The following UBAC1 variants were observed in gnomAD, a reference collection of about 807,000 sequenced individuals.
UBAC1 encodes the protein ubiquitin-associated domain-containing protein 1.
UBAC1 carries 27 observed loss-of-function variants against 45.9 expected under a neutral mutation model. The observed-to-expected ratio is 0.59, with a 90% CI of 0.43 to 0.81. The LOEUF is 0.81. Ranked by LOEUF, UBAC1 falls within the 30% of genes least tolerant of loss-of-function variation. UBAC1 has a pLI of 0.00. For missense variants in UBAC1, 529 were observed against 539.2 expected (o/e 0.98, Z 0.19); for synonymous variants, 227 against 215.5 (o/e 1.05, Z -0.47).
intron 3 of UBAC1, among the ~76,000 whole-genome samples, chr9:135,948,487 G>C (rs1839365954): frequency 6.6e-6 from 1 of 152,270 alleles, no homozygotes; most frequent in Non-Finnish European, 1.5e-5. Context: ...ATCGGTGGCA[G>C]GGGACAAGGA....
chr9:135,946,897 C>G (rs1023481116), intron 4 of UBAC1, among the ~76,000 whole-genome samples: 1 of 152,246 alleles, frequency 6.6e-6, no homozygotes, highest in African/African-American at 2.4e-5. Context: ...TGTCCCTACT[C>G]TCACACAAGT....
In UBAC1 at chr9:135,947,942, G is replaced by GT. The variant is rs760815470; in HGVS notation, c.334-38dup. 2.4e-5 allele frequency: 38 copies of GT among 1,578,684 alleles called. No individual in the cohort carries two copies. In the African/African-American group the frequency reaches 3.9e-4, roughly 16 times the overall value. ...CGTAATCAGAAAGTCTGAGGTGAAC[G>GT]TAAGAGCAGCAAAAAGACGATGACA... On this transcript the variant is annotated intron_variant, in intron 3 of 9. Transcript: ENST00000371756.
At chr9:135,952,547 G>A (rs1839418688) in intron 3 of UBAC1, among the ~76,000 whole-genome samples, 1 of 152,302 alleles carries the variant, frequency 6.6e-6, no homozygotes, top group East Asian at 1.9e-4. Flanking sequence ...CACACTGCAC[G>A]GTGTTCCTAA....
intron 7 of UBAC1, among the ~76,000 whole-genome samples, chr9:135,943,571 A>G (rs907923292): frequency 2.6e-5 from 4 of 152,212 alleles, no homozygotes; most frequent in Non-Finnish European, 5.9e-5. Flanking sequence ...ACCTAGAAAC[A>G]GAAATACCAT....
intron 8 of UBAC1, among the ~76,000 whole-genome samples, chr9:135,938,818 G>T (rs545200172): frequency 8.5e-5 from 13 of 152,302 alleles, no homozygotes; most frequent in Non-Finnish European, 1.3e-4. Flanking sequence ...GATGGTGGGG[G>T]GGGGATGTGG....
chr9:135,948,030 C>T (rs888020090), intron 3 of UBAC1, 125 bp from the exon 4 acceptor site: 1 of 853,118 alleles, frequency 1.2e-6, no homozygotes, highest in Non-Finnish European at 1.8e-6. Flanking sequence ...GAGGTGTAAA[C>T]TCCTTGATGA....
At chr9:135,948,098 C>T (rs573894620) in intron 3 of UBAC1, 193 bp from the exon 4 acceptor site, 18 of 562,266 alleles carry the variant, frequency 3.2e-5, no homozygotes, top group Admixed American at 1.3e-4. Flanking sequence ...GTGTCCTCAG[C>T]GTCTGCTCTG....
chr9:135,946,197 C>CGT, intron 5 of UBAC1, 72 bp downstream of exon 5: 1 of 1,173,202 alleles, frequency 8.5e-7, no homozygotes, highest in Non-Finnish European at 1.3e-6. Flanking sequence ...GTGGTCAGTG[C>CGT]GTGGAGCTGC....
intron 4 of UBAC1, 75 bp downstream of exon 4, chr9:135,947,723 C>T: frequency 7.8e-7 from 1 of 1,282,372 alleles, no homozygotes; most frequent in Non-Finnish European, 1.1e-6. Context: ...CTGCCCCGCC[C>T]CGCAGGAACC....
intron 5 of UBAC1, 102 bp downstream of exon 5, chr9:135,946,167 A>G: frequency 9.3e-7 from 1 of 1,070,266 alleles, no homozygotes; most frequent in Non-Finnish European, 1.4e-6. Flanking sequence ...CGCTTCCATA[A>G]AGCACTGAGG....
chr9:135,954,952 A>G (rs573281210), intron 2 of UBAC1, among the ~76,000 whole-genome samples: 90 of 152,348 alleles, frequency 5.9e-4, no homozygotes, highest in African/African-American at 2.0e-3. Flanking sequence ...GTGTGTGTCT[A>G]ACACTGCACT....
At chr9:135,950,327 G>C (rs1839393214) in intron 3 of UBAC1, among the ~76,000 whole-genome samples, 1 of 152,212 alleles carries the variant, frequency 6.6e-6, no homozygotes, top group Non-Finnish European at 1.5e-5. Context: ...GAAAGAGGCA[G>C]GAAAGCCAGG....
chr9:135,957,231 G>A (rs1350124888), intron 1 of UBAC1, among the ~76,000 whole-genome samples: 1 of 152,110 alleles, frequency 6.6e-6, no homozygotes, highest in African/African-American at 2.4e-5. Flanking sequence ...CTGAGGGGAT[G>A]TTGGGGGGAC....
chr9:135,947,451 TC>T (rs1839352021), intron 4 of UBAC1: 1 of 202,448 alleles, frequency 4.9e-6, no homozygotes, highest in Non-Finnish European at 9.9e-6. Flanking sequence ...CGGAGTTTCA[TC>T]ATGTTGGCCA....
Position 135,933,444 on chromosome 9 carries a change from T to C in UBAC1, c.1174A>G (p.Met392Val). 5 of 1,614,196 alleles carry C rather than the reference T, an allele frequency of 3.1e-6. No homozygotes were observed. The highest frequency in any genetic ancestry group is 4.2e-6 in the Non-Finnish European group (5 of 1,180,034). ...TGGAAGATTCTAGAGATCTGCAGCA[T>C]GACAGGCCCCGTTTCTGGATCATTC... Reference protein sequence around the residue: ...WMNDPETGPVMLQISRIFQTL... With the variant: ...WMNDPETGPVVLQISRIFQTL... The change falls in exon 10 of 10, where the codon ATG becomes GTG. Residue 392 changes from methionine to valine, a missense_variant. Physicochemically the swap from Met to Val is conservative, Grantham distance 21. Transcript: ENST00000371756.
At chr9:135,960,860 G>A (rs1165552796) in intron 1 of UBAC1, among the ~76,000 whole-genome samples, 165 bp downstream of exon 1, 2 of 152,180 alleles carry the variant, frequency 1.3e-5, no homozygotes, top group Admixed American at 1.3e-4. Flanking sequence ...GGGAGAGTCG[G>A]GCAAACGGGC....
intron 1 of UBAC1, among the ~76,000 whole-genome samples, chr9:135,959,563 C>T (rs1337091177): frequency 2.0e-5 from 3 of 151,990 alleles, no homozygotes; most frequent in Admixed American, 1.3e-4. Flanking sequence ...TTAGTTGAGA[C>T]GGGGTTTCAC....
chr9:135,952,320 T>A (rs1477284752), intron 3 of UBAC1, among the ~76,000 whole-genome samples: 1 of 152,214 alleles, frequency 6.6e-6, no homozygotes, highest in African/African-American at 2.4e-5. Flanking sequence ...GGGTGAACAC[T>A]CTCCTTAGCC....
rs550813377 is a variant in UBAC1, at chr9:135,933,555, C to G, written c.1103-40G>C. 26 of 1,471,934 alleles carry G rather than the reference C, an allele frequency of 1.8e-5. No homozygotes were observed. In the South Asian group the frequency reaches 2.0e-4, roughly 12 times the overall value. 91.2% of individuals were successfully genotyped at this position (1,471,934 alleles called of 1,614,324 possible). On this transcript the variant is annotated intron_variant, in intron 9 of 9. Transcript: ENST00000371756. ...GAGCCAGCCTGAGTGCCCACGCCCC[C>G]ACTCAGCCCACAGGCACAGGCGTGA... is the stretch of plus-strand genomic sequence containing the variant.
Sources: gnomAD v4.1 joint callset for allele counts (sites outside exome capture counted in the v4.1 genomes callset) on GRCh38, gnomAD v4.1.1 for gene constraint, MANE v1.5 for transcripts, NCBI Gene and HGNC (gene_info 2026-07-23, HGNC 2026-07-21) for gene names.